The following PLCB1 variants were observed in gnomAD, a reference collection of about 807,000 sequenced individuals.
PLCB1 encodes the protein phospholipase C beta 1.
A neutral mutation model predicts 161.8 loss-of-function variants in PLCB1; 46 were observed. The observed-to-expected ratio is 0.28, with a 90% CI of 0.22 to 0.36. The LOEUF is 0.36. Among genes scored for constraint, PLCB1 ranks in the 10% least tolerant of loss-of-function variants. The pLI, the probability that PLCB1 is intolerant of heterozygous loss-of-function variation, is 1.00. For missense variants in PLCB1, 1,016 were observed against 1,472.5 expected, an observed-to-expected ratio of 0.69 and a Z score of 5.07; for synonymous variants, 517 against 503.7, an observed-to-expected ratio of 1.03 and a Z score of -0.35.
chr20:8,624,862 T>C (rs1179206232), intron 3 of PLCB1, among the ~76,000 whole-genome samples: 4 of 152,196 alleles, frequency 2.6e-5, no homozygotes, highest in African/African-American at 9.7e-5. Context: ...TGGAATTCAA[T>C]TATAGCTGCC....
chr20:8,590,276 C>T (rs778697904), intron 3 of PLCB1, among the ~76,000 whole-genome samples: 12 of 151,884 alleles, frequency 7.9e-5, no homozygotes, highest in Non-Finnish European at 1.3e-4. Flanking sequence ...ATTCGGAAGT[C>T]GTATGTTGGG....
At chr20:8,573,515 G>A (rs1183266380) in intron 3 of PLCB1, among the ~76,000 whole-genome samples, 1 of 152,126 alleles carries the variant, frequency 6.6e-6, no homozygotes, top group African/African-American at 2.4e-5. Flanking sequence ...TGAGTGTTTA[G>A]TATATACACA....
intron 25 of PLCB1, among the ~76,000 whole-genome samples, chr20:8,763,891 T>C (rs1376115416): frequency 1.3e-5 from 2 of 151,626 alleles, no homozygotes; most frequent in African/African-American, 2.4e-5. Context: ...CAGCCAGGCA[T>C]GGTGACTCAT....
At chr20:8,600,274 T>G (rs1157848886) in intron 3 of PLCB1, among the ~76,000 whole-genome samples, 1 of 117,788 alleles carries the variant, frequency 8.5e-6, no homozygotes, top group Non-Finnish European at 1.8e-5. Context: ...ACAGATGGGT[T>G]TTTGGTGTGG....
Position 8,132,858 on chromosome 20 carries a change from G to A in PLCB1, c.99+108G>A, listed in dbSNP as rs908715033. On this transcript the variant is annotated intron_variant, in intron 1 of 31. Coordinates refer to ENST00000338037, the MANE Select transcript of PLCB1 (RefSeq NM_015192.4). This position sits in a 1 kb window ranked among gnomAD's most constrained non-coding sequence, Gnocchi z 5.2. ...GTTATGCAATGGGCGCACTGGGAGC[G>A]GGCAGGGGCAGCCTCGGGCGCACAG... is the stretch of plus-strand genomic sequence containing the variant. 7 of 748,882 alleles carry A rather than the reference G, an allele frequency of 9.3e-6. No individual in the cohort carries two copies. The highest frequency in any genetic ancestry group is 3.4e-4 in the Middle Eastern group (1 of 2,916). 46.4% of individuals were successfully genotyped at this position (748,882 alleles called of 1,614,324 possible).
chr20:8,652,540 T>G (rs919726910), intron 7 of PLCB1: 2 of 152,038 alleles, frequency 1.3e-5, no homozygotes, highest in African/African-American at 4.8e-5. Flanking sequence ...AGCAAAAAAT[T>G]TTGGCCATAT....
intron 12 of PLCB1, among the ~76,000 whole-genome samples, chr20:8,714,987 A>C (rs1253613828): frequency 6.6e-6 from 1 of 152,064 alleles, no homozygotes; most frequent in Non-Finnish European, 1.5e-5. Context: ...ACATTCATGG[A>C]AAAGGGAATG....
At chr20:8,431,960 C>T (rs1980062890) in intron 3 of PLCB1, among the ~76,000 whole-genome samples, 1 of 151,860 alleles carries the variant, frequency 6.6e-6, no homozygotes, top group Admixed American at 6.6e-5. Context: ...GGTTTCAGAA[C>T]ATTCCTTCTT....
chr20:8,463,412 T>G (rs971043965), intron 3 of PLCB1, among the ~76,000 whole-genome samples: 1 of 152,114 alleles, frequency 6.6e-6, no homozygotes, highest in East Asian at 1.9e-4. Context: ...ACAGTCATAC[T>G]ACATACCAGG....
chr20:8,753,957 C>T (rs1450253324), intron 23 of PLCB1, among the ~76,000 whole-genome samples: 1 of 152,098 alleles, frequency 6.6e-6, no homozygotes, highest in East Asian at 1.9e-4. Context: ...GAATAGTATC[C>T]TTAGGGGTTG....
intron 2 of PLCB1, among the ~76,000 whole-genome samples, chr20:8,265,249 A>G (rs1981898175): frequency 6.6e-6 from 1 of 152,196 alleles, no homozygotes; most frequent in African/African-American, 2.4e-5. Context: ...AGCAGTTGTG[A>G]GGATTAAATG....
intron 11 of PLCB1, among the ~76,000 whole-genome samples, chr20:8,700,671 G>T (rs1990681288): frequency 6.6e-6 from 1 of 152,186 alleles, no homozygotes; most frequent in Non-Finnish European, 1.5e-5. Context: ...AGACAGGAGT[G>T]AATTCATCAT....
chr20:8,523,869 G>A (rs1232250417), intron 3 of PLCB1, among the ~76,000 whole-genome samples: 2 of 151,992 alleles, frequency 1.3e-5, no homozygotes, highest in African/African-American at 2.4e-5. Flanking sequence ...GCAACTCCAC[G>A]GATGCAGAAA....
At chr20:8,576,795 G>A (rs1187109190) in intron 3 of PLCB1, among the ~76,000 whole-genome samples, 1 of 152,140 alleles carries the variant, frequency 6.6e-6, no homozygotes, top group Non-Finnish European at 1.5e-5. Flanking sequence ...TATATTGTAA[G>A]ATATTAAAAC....
At chr20:8,761,375 A>G (rs1249364656) in intron 25 of PLCB1, among the ~76,000 whole-genome samples, 2 of 152,248 alleles carry the variant, frequency 1.3e-5, no homozygotes, top group African/African-American at 4.8e-5. Context: ...ATATTGAAGC[A>G]CATTGACTTT....
chr20:8,206,173 C>G (rs956988282), intron 2 of PLCB1, among the ~76,000 whole-genome samples: 1 of 152,190 alleles, frequency 6.6e-6, no homozygotes, highest in Non-Finnish European at 1.5e-5. Context: ...TGTGTGTGCT[C>G]TTTTCCTGAC....
At chr20:8,383,232 A>G (rs1600361534) in intron 3 of PLCB1, among the ~76,000 whole-genome samples, 1 of 152,218 alleles carries the variant, frequency 6.6e-6, no homozygotes, top group South Asian at 2.1e-4. Context: ...TATTGGGTGC[A>G]TATATATTTA....
At chr20:8,748,865 T>C (rs1415134083) in intron 23 of PLCB1, among the ~76,000 whole-genome samples, 2 of 152,200 alleles carry the variant, frequency 1.3e-5, no homozygotes, top group African/African-American at 4.8e-5. Flanking sequence ...ATGATGGATA[T>C]GTCTATTTGT....
chr20:8,204,246 C>A (rs1200093428), intron 2 of PLCB1, among the ~76,000 whole-genome samples: 5 of 152,046 alleles, frequency 3.3e-5, no homozygotes, highest in African/African-American at 4.8e-5. Flanking sequence ...AAATTATTAA[C>A]AACTAAATAA....
Sources: gnomAD v4.1 joint callset for allele counts (sites outside exome capture counted in the v4.1 genomes callset) on GRCh38, gnomAD v4.1.1 for gene constraint, Gnocchi (gnomAD v3.1) non-coding constraint, MANE v1.5 for transcripts, NCBI Gene and HGNC (gene_info 2026-07-23, HGNC 2026-07-21) for gene names.